The following PCDH9 variants were observed in gnomAD, a reference collection of about 807,000 sequenced individuals.
The protein encoded by PCDH9 is protocadherin-9.
Under a neutral mutation model 70.6 loss-of-function variants are expected in PCDH9, and 24 were observed. The ratio of observed to expected loss-of-function variants is 0.34; its 90% CI spans 0.25 to 0.48. PCDH9 has a LOEUF of 0.48. Ranked by LOEUF, PCDH9 falls within the 20% of genes least tolerant of loss-of-function variation. The pLI, the probability that PCDH9 is intolerant of heterozygous loss-of-function variation, is 0.99. For missense variants in PCDH9, 1,281 were observed against 1,503.6 expected (o/e 0.85, Z 2.45); for synonymous variants, 562 against 558.5 (o/e 1.01, Z -0.09).
intron 2 of PCDH9, among the ~76,000 whole-genome samples, chr13:66,949,418 G>C (rs910318650): frequency 6.6e-6 from 1 of 152,054 alleles, no homozygotes; most frequent in African/African-American, 2.4e-5. Context: ...CCATCTCTAA[G>C]ACAGGATTCA....
At chr13:66,801,547 G>T (rs2080327063) in intron 3 of PCDH9, among the ~76,000 whole-genome samples, 1 of 152,032 alleles carries the variant, frequency 6.6e-6, no homozygotes, top group South Asian at 2.1e-4. Flanking sequence ...GTAGTCAATT[G>T]TTATGCAAAT....
At chr13:67,203,740 T>C (rs1016279801) in intron 2 of PCDH9, 1 of 152,026 alleles carries the variant, frequency 6.6e-6, no homozygotes, top group African/African-American at 2.4e-5. Flanking sequence ...AAAACTCCTA[T>C]CACAAATTAT....
chr13:66,727,129 G>C (rs984581988), intron 3 of PCDH9, among the ~76,000 whole-genome samples: 6 of 152,074 alleles, frequency 3.9e-5, no homozygotes, highest in Non-Finnish European at 7.4e-5. Flanking sequence ...TTAGCCAGGT[G>C]TGTTGGCACA....
chr13:66,436,374 C>A (rs1397175147), intron 4 of PCDH9, among the ~76,000 whole-genome samples: 1 of 152,094 alleles, frequency 6.6e-6, no homozygotes, highest in African/African-American at 2.4e-5. Flanking sequence ...GACTTCCCAG[C>A]CTTCAGAACT....
intron 2 of PCDH9, among the ~76,000 whole-genome samples, chr13:67,059,403 G>GTA (rs1365278575): frequency 1.4e-5 from 2 of 146,028 alleles, no homozygotes; most frequent in East Asian, 2.0e-4. Flanking sequence ...TATATATAGT[G>GTA]TATATATATG....
chr13:67,225,842 T>C lies in PCDH9; in HGVS notation c.2599A>G (p.Lys867Glu). 6.2e-7 allele frequency: 1 copy of C among 1,614,150 alleles called. No homozygotes were observed. The highest frequency in any genetic ancestry group is 8.5e-7 in the Non-Finnish European group (1 of 1,180,022). Reference protein sequence around the residue: ...MSPNQENKQNKKKKRKKRKSP... With the variant: ...MSPNQENKQNEKKKRKKRKSP... ...TTCCTTTTCTTTCTTTTCTTTTTCTTGTTTTGCTTGTTCTCCTGGTTTGGG... is the reference window on the plus strand; with the variant it reads ...TTCCTTTTCTTTCTTTTCTTTTTCTCGTTTTGCTTGTTCTCCTGGTTTGGG... Residue 867 changes from lysine to glutamate, a missense_variant, in exon 2 of 5, where the codon AAG (lysine) becomes GAG (glutamate). Around this residue, in one of 4 missense-constraint regions of PCDH9, gnomAD observed 207 missense variants for 191.8 expected, o/e 1.08. Transcript: ENST00000377865.
intron 3 of PCDH9, among the ~76,000 whole-genome samples, chr13:66,743,316 G>T (rs2079299859): frequency 8.2e-6 from 1 of 121,850 alleles, no homozygotes; most frequent in Non-Finnish European, 1.7e-5. Context: ...GACACATGAA[G>T]GGGAATATCA....
intron 2 of PCDH9, among the ~76,000 whole-genome samples, chr13:67,157,459 T>C (rs1157085349): frequency 6.6e-6 from 1 of 152,224 alleles, no homozygotes; most frequent in Non-Finnish European, 1.5e-5. Flanking sequence ...AGAATTATTA[T>C]TTCCTTTTTA....
intron 4 of PCDH9, among the ~76,000 whole-genome samples, chr13:66,425,031 A>G (rs2138359498): frequency 6.6e-6 from 1 of 152,044 alleles, no homozygotes; most frequent in African/African-American, 2.4e-5. Flanking sequence ...CACAACAAAG[A>G]GAAGGCTAAT....
intron 4 of PCDH9, among the ~76,000 whole-genome samples, chr13:66,332,518 C>T (rs1955962031): frequency 6.6e-6 from 1 of 152,084 alleles, no homozygotes. Flanking sequence ...GACTGCAGTG[C>T]TGGTCTCTAG....
chr13:66,847,241 G>A (rs570621291), intron 3 of PCDH9, among the ~76,000 whole-genome samples: 2 of 152,156 alleles, frequency 1.3e-5, no homozygotes, highest in African/African-American at 4.8e-5. Flanking sequence ...TTCCATAATA[G>A]GTTGTTTTCC....
At chr13:66,671,954 C>T (rs148887649) in intron 3 of PCDH9, among the ~76,000 whole-genome samples, 1 of 152,148 alleles carries the variant, frequency 6.6e-6, no homozygotes, top group Non-Finnish European at 1.5e-5. Context: ...ATGTTAATCA[C>T]CAAAACAATG....
chr13:66,521,118 A>G (rs1042311878), intron 4 of PCDH9, among the ~76,000 whole-genome samples: 1 of 152,134 alleles, frequency 6.6e-6, no homozygotes, highest in Non-Finnish European at 1.5e-5. Context: ...TTGCATACCT[A>G]TTCCAAAGAT....
At chr13:66,760,772 CA>C (rs2079613635) in intron 3 of PCDH9, among the ~76,000 whole-genome samples, 1 of 152,110 alleles carries the variant, frequency 6.6e-6, no homozygotes, top group African/African-American at 2.4e-5. Context: ...TTATTTTTCT[CA>C]GCAAGGAACA....
chr13:66,468,969 C>T (rs1958565664), intron 4 of PCDH9, among the ~76,000 whole-genome samples: 1 of 152,030 alleles, frequency 6.6e-6, no homozygotes. Context: ...ATTCTGGAAG[C>T]CTAATGTAAG....
intron 3 of PCDH9, among the ~76,000 whole-genome samples, chr13:66,786,991 A>C (rs2080090197): frequency 6.6e-6 from 1 of 152,220 alleles, no homozygotes; most frequent in Non-Finnish European, 1.5e-5. Flanking sequence ...TCACAAAAAC[A>C]AATCAAAATA....
chr13:66,766,731 T>A (rs1036198318), intron 3 of PCDH9, among the ~76,000 whole-genome samples: 4 of 151,970 alleles, frequency 2.6e-5, no homozygotes, highest in Non-Finnish European at 4.4e-5. Context: ...TCTGTGTGTT[T>A]GGAAAGTTCG....
At chr13:66,359,312 T>C (rs1593854794) in intron 4 of PCDH9, among the ~76,000 whole-genome samples, 1 of 152,102 alleles carries the variant, frequency 6.6e-6, no homozygotes, top group East Asian at 1.9e-4. Flanking sequence ...GTTGATATCC[T>C]TCATTAGCTA....
intron 3 of PCDH9, among the ~76,000 whole-genome samples, chr13:66,762,690 A>G (rs1478958068): frequency 6.6e-6 from 1 of 152,006 alleles, no homozygotes; most frequent in African/African-American, 2.4e-5. Flanking sequence ...GAGAATGGCA[A>G]TCACTGGAAG....
Sources: gnomAD v4.1 joint callset for allele counts (sites outside exome capture counted in the v4.1 genomes callset) on GRCh38, gnomAD v4.1.1 for gene constraint, gnomAD v4.1.1 regional missense constraint, MANE v1.5 for transcripts, NCBI Gene and HGNC (gene_info 2026-07-23, HGNC 2026-07-21) for gene names.